YIPF7: variants seen among roughly 807,000 people sequenced by gnomAD.
YIPF7 encodes protein YIPF7.
A neutral mutation model predicts 27.2 loss-of-function variants in YIPF7; 35 were observed. The ratio of observed to expected loss-of-function variants is 1.29; its 90% CI spans 0.98 to 1.70. The LOEUF is 1.70. YIPF7 is among the 40% of genes most tolerant of loss of function. YIPF7 has a pLI of 0.00. For synonymous variants in YIPF7, 137 were observed against 110.4 expected, an observed-to-expected ratio of 1.24 and a Z score of -1.51; for missense variants, 358 against 303.7, an observed-to-expected ratio of 1.18 and a Z score of -1.33.
Position 44,651,586 on chromosome 4 carries a change from T to C in YIPF7, c.-34A>G, listed in dbSNP as rs775004397. The C allele has an allele frequency of 6.3e-6, 10 of 1,588,808 alleles. No individual in the cohort carries two copies. The highest frequency in any genetic ancestry group is 3.5e-5 in the Admixed American group (2 of 56,806). On this transcript the variant is annotated 5_prime_UTR_variant, in exon 1 of 6. Transcript: ENST00000415895. ...TATTTTTTATAGAAAGATCCTCCAGTAAATGTAGCTTTGTGTGAGAAATTT... is the reference window on the plus strand; with the variant it reads ...TATTTTTTATAGAAAGATCCTCCAGCAAATGTAGCTTTGTGTGAGAAATTT...
chr4:44,625,805 C>T lies in YIPF7; in HGVS notation c.427-1023G>A, dbSNP rs543379992. Among the ~76,000 whole-genome samples, 58 of 152,236 alleles carry T rather than the reference C, an allele frequency of 3.8e-4. 1 individual carries two copies. The highest frequency in any genetic ancestry group is 1.3e-3 in the African/African-American group (56 of 41,540). On this transcript the variant is annotated intron_variant, in intron 4 of 5. Transcript: ENST00000415895. ...AAGAGGATATTTTAATGTTTGCTATCTGAGAATACCAAAGCTACAGTTAAA... is the reference window on the plus strand; with the variant it reads ...AAGAGGATATTTTAATGTTTGCTATTTGAGAATACCAAAGCTACAGTTAAA...
At chr4:44,631,932 A>G (rs894669802) in intron 3 of YIPF7, among the ~76,000 whole-genome samples, 10 of 152,204 alleles carry the variant, frequency 6.6e-5, no homozygotes, top group Admixed American at 5.9e-4. Context: ...ATTTAATTCC[A>G]AATACCTTTT....
rs541714174 is a variant in YIPF7, at chr4:44,630,560, G to A, written c.281-1012C>T. Among the ~76,000 whole-genome samples the A allele has an allele frequency of 1.4e-3, 211 of 152,258 alleles. 1 individual carries two copies. The highest frequency in any genetic ancestry group is 4.7e-3 in the African/African-American group (197 of 41,552). On this transcript the variant is annotated intron_variant, in intron 3 of 5. Transcript: ENST00000415895. ...CATTCAAAGATTAAATTCTTGAGAC[G>A]AGTTAACCTTTCTCTTTTATACATG...
upstream of YIPF7, among the ~76,000 whole-genome samples, chr4:44,653,281 A>C (rs1395773578): frequency 6.6e-6 from 1 of 152,118 alleles, no homozygotes; most frequent in East Asian, 1.9e-4. Context: ...AAGAGTCTAA[A>C]GGTTACATAA....
chr4:44,636,269 T>G (rs946537086), intron 2 of YIPF7, among the ~76,000 whole-genome samples, 184 bp from the exon 3 acceptor site: 5 of 152,182 alleles, frequency 3.3e-5, no homozygotes, highest in African/African-American at 1.2e-4. Flanking sequence ...ATCTAAAGCC[T>G]TCTAGAAAAA....
At chr4:44,649,875 T>A (rs1373466848) in intron 2 of YIPF7, 110 bp downstream of exon 2, 1 of 652,660 alleles carries the variant, frequency 1.5e-6, no homozygotes, top group East Asian at 2.9e-5. Flanking sequence ...GCAAGAAAGA[T>A]CAGACCCTTC....
chr4:44,638,832 T>A (rs1259057083), intron 2 of YIPF7, among the ~76,000 whole-genome samples: 1 of 152,238 alleles, frequency 6.6e-6, no homozygotes, highest in African/African-American at 2.4e-5. Context: ...GGTTTTATGT[T>A]TAAGTCTTTA....
chr4:44,627,081 C>A (rs150331514), intron 4 of YIPF7, among the ~76,000 whole-genome samples: 4 of 151,998 alleles, frequency 2.6e-5, no homozygotes, highest in Non-Finnish European at 4.4e-5. Flanking sequence ...CGCACCAGGC[C>A]CCACATCTTG....
intron 4 of YIPF7, among the ~76,000 whole-genome samples, chr4:44,626,761 A>ATATTTTT (rs1560322885): frequency 1.8e-5 from 1 of 56,710 alleles, no homozygotes; most frequent in Non-Finnish European, 4.2e-5. Context: ...TCATTAGCAC[A>ATATTTTT]TCTTTTTTTT....
At chr4:44,626,807 G>A (rs1000141631) in intron 4 of YIPF7, among the ~76,000 whole-genome samples, 8 of 98,566 alleles carry the variant, frequency 8.1e-5, no homozygotes, top group African/African-American at 2.8e-4. Flanking sequence ...ATGGAGTCTC[G>A]CTCTTTCGCC....
intron 3 of YIPF7, among the ~76,000 whole-genome samples, chr4:44,635,042 T>C (rs1713066941): frequency 6.6e-6 from 1 of 152,208 alleles, no homozygotes; most frequent in African/African-American, 2.4e-5. Flanking sequence ...GAAAGAAGAA[T>C]GTGGCTGGTT....
At chr4:44,632,941 G>A (rs1712966256) in intron 3 of YIPF7, among the ~76,000 whole-genome samples, 1 of 152,166 alleles carries the variant, frequency 6.6e-6, no homozygotes, top group African/African-American at 2.4e-5. Context: ...TTAGGAACCG[G>A]GCCGCACAGC....
chr4:44,635,738 C>T (rs998899504), intron 3 of YIPF7, among the ~76,000 whole-genome samples, 184 bp downstream of exon 3: 1 of 152,168 alleles, frequency 6.6e-6, no homozygotes, highest in African/African-American at 2.4e-5. Flanking sequence ...CACCCAATTT[C>T]CCCTATGCAA....
chr4:44,625,425 G>A (rs1039535869), intron 4 of YIPF7, among the ~76,000 whole-genome samples: 7 of 151,996 alleles, frequency 4.6e-5, no homozygotes, highest in African/African-American at 1.2e-4. Flanking sequence ...GAACATCAAC[G>A]GGAACTCTTA....
chr4:44,650,016 TAG>T lies in YIPF7; in HGVS notation c.83_84del (p.Ser28Ter), dbSNP rs774907840. On this transcript the variant is annotated frameshift_variant, in exon 2 of 6. Transcript: ENST00000415895. LOFTEE classifies it high-confidence loss of function. ...IDNQEQSGND[S>X]NAYGNLYGSR... The stretch of plus-strand genomic sequence containing the variant: ...GATCCATAAAGATTTCCATAGGCAT[TAG>T]AGTCATTACCACTCTGCTCCTGGTT... 2.3e-5 allele frequency: 37 copies of T among 1,583,760 alleles called. No individual in the cohort carries two copies. The highest frequency in any genetic ancestry group is 3.3e-4 in the Middle Eastern group (2 of 6,000).
intron 2 of YIPF7, among the ~76,000 whole-genome samples, chr4:44,648,760 TC>T (rs1310451720): frequency 1.3e-5 from 2 of 152,140 alleles, no homozygotes; most frequent in Non-Finnish European, 2.9e-5. Flanking sequence ...ATAATTTTTT[TC>T]ATAACAATTC....
At chr4:44,632,958 TG>T (rs1311372101) in intron 3 of YIPF7, among the ~76,000 whole-genome samples, 2 of 151,880 alleles carry the variant, frequency 1.3e-5, no homozygotes, top group Non-Finnish European at 2.9e-5. Context: ...CAGCAGGAGG[TG>T]GAGGTGAGCA....
chr4:44,637,022 T>G (rs1713149641), intron 2 of YIPF7, among the ~76,000 whole-genome samples: 1 of 152,218 alleles, frequency 6.6e-6, no homozygotes. Flanking sequence ...TGTGCCTGGT[T>G]TGTTTCACTT....
chr4:44,633,797 G>A, intron 3 of YIPF7, among the ~76,000 whole-genome samples: 1 of 151,618 alleles, frequency 6.6e-6, no homozygotes, highest in Non-Finnish European at 1.5e-5. Flanking sequence ...AAATAAACGA[G>A]GAAAGAAAAC....
Sources: allele counts gnomAD v4.1 joint callset (sites outside exome capture counted in the v4.1 genomes callset), GRCh38; gene constraint gnomAD v4.1.1; transcripts MANE v1.5; gene names NCBI Gene and HGNC (gene_info 2026-07-23, HGNC 2026-07-21).